LIMS1: variants seen among roughly 807,000 people sequenced by gnomAD.
The protein encoded by LIMS1 is LIM and senescent cell antigen-like-containing domain protein 1.
LIMS1 carries 18 observed loss-of-function variants against 44.1 expected under a neutral mutation model. That is an observed-to-expected ratio of 0.41 (90% confidence interval 0.28 to 0.61). The LOEUF (loss-of-function observed/expected upper bound fraction) is 0.61, where lower values mean the gene tolerates loss of function less well. LIMS1 is among the 20% of genes least tolerant of loss of function. The pLI is 0.32. For synonymous variants in LIMS1, 93 were observed against 149.1 expected (o/e 0.62, Z 2.74); for missense variants, 201 against 422.0 (o/e 0.48, Z 4.59).
chr2:108,559,857 A>G (rs1346272253), intron 1 of LIMS1, among the ~76,000 whole-genome samples: 1 of 152,222 alleles, frequency 6.6e-6, no homozygotes, highest in East Asian at 1.9e-4. Flanking sequence ...AAAAACTGTT[A>G]TCTGAAAGTC....
At chr2:108,588,226 G>T in intron 1 of LIMS1, 1 of 463,556 alleles carries the variant, frequency 2.2e-6, no homozygotes, top group Non-Finnish European at 2.8e-6. Context: ...GAACAGTGGG[G>T]TTATCGTGTA....
chr2:108,642,411 G>C (rs1689756220), intron 1 of LIMS1, among the ~76,000 whole-genome samples: 1 of 131,164 alleles, frequency 7.6e-6, no homozygotes, highest in Non-Finnish European at 1.6e-5. Context: ...CCAGGCTGGA[G>C]TGCAGTGGCG....
chr2:108,554,157 G>A (rs1416651775), intron 1 of LIMS1, among the ~76,000 whole-genome samples: 2 of 152,120 alleles, frequency 1.3e-5, no homozygotes, highest in African/African-American at 2.4e-5. Flanking sequence ...TTATTCTGAA[G>A]CCAAGGAAAT....
intron 1 of LIMS1, among the ~76,000 whole-genome samples, chr2:108,626,014 T>A: frequency 6.6e-6 from 1 of 152,154 alleles, no homozygotes; most frequent in Non-Finnish European, 1.5e-5. Context: ...TGTCTCATGA[T>A]CCCGTAAGAG....
chr2:108,557,798 A>T (rs1684976129), intron 1 of LIMS1, among the ~76,000 whole-genome samples: 1 of 152,194 alleles, frequency 6.6e-6, no homozygotes, highest in Admixed American at 6.5e-5. Flanking sequence ...TTACAGGCAT[A>T]GGCCACCATG....
chr2:108,668,958 G>A (rs1395784109), intron 2 of LIMS1, among the ~76,000 whole-genome samples: 1 of 152,104 alleles, frequency 6.6e-6, no homozygotes, highest in African/African-American at 2.4e-5. Flanking sequence ...ATTAATCTGG[G>A]CAAGGTAGTG....
At chr2:108,684,524 CA>C in exon 10 of LIMS1, 1 of 151,968 alleles carries the variant, frequency 6.6e-6, no homozygotes, top group South Asian at 2.1e-4. Flanking sequence ...ATTACTAAGA[CA>C]AAAAACAAGT....
At chr2:108,625,227 A>G (rs1298274023) in intron 1 of LIMS1, among the ~76,000 whole-genome samples, 1 of 152,226 alleles carries the variant, frequency 6.6e-6, no homozygotes, top group Non-Finnish European at 1.5e-5. Flanking sequence ...TATTTTTCAC[A>G]TGTGAAATAT....
chr2:108,562,708 A>T (rs1294454583), intron 1 of LIMS1, among the ~76,000 whole-genome samples: 1 of 152,244 alleles, frequency 6.6e-6, no homozygotes, highest in Non-Finnish European at 1.5e-5. Context: ...GCAGGTGCTG[A>T]TGTAGAAGGT....
intron 1 of LIMS1, among the ~76,000 whole-genome samples, chr2:108,644,077 G>A (rs972436503): frequency 2.6e-5 from 4 of 152,162 alleles, no homozygotes; most frequent in Non-Finnish European, 5.9e-5. Context: ...GGAAGGGGTG[G>A]TTGTGGGCAC....
intron 1 of LIMS1, among the ~76,000 whole-genome samples, chr2:108,611,444 T>G (rs987679352): frequency 1.3e-5 from 2 of 151,870 alleles, no homozygotes; most frequent in Admixed American, 6.6e-5. Context: ...CCTATCAATG[T>G]TTTTTTTCAC....
intron 1 of LIMS1, among the ~76,000 whole-genome samples, chr2:108,614,957 A>G (rs978082255): frequency 6.6e-6 from 1 of 152,150 alleles, no homozygotes; most frequent in African/African-American, 2.4e-5. Context: ...CGGAACTGTT[A>G]GCTTGCAAGT....
At chr2:108,621,581 C>G (rs947929905) in intron 1 of LIMS1, 2 of 726,304 alleles carry the variant, frequency 2.8e-6, no homozygotes, top group Non-Finnish European at 4.8e-6. Flanking sequence ...GCCTCTTAGT[C>G]TGTAATTAAA....
chr2:108,660,637 C>T (rs572500529), intron 2 of LIMS1: 756 of 270,850 alleles, frequency 2.8e-3, no homozygotes, highest in Non-Finnish European at 4.4e-3. Flanking sequence ...CCCTATGTTG[C>T]CCAGGCTGGT....
intron 1 of LIMS1, among the ~76,000 whole-genome samples, chr2:108,585,402 G>A (rs1686060433): frequency 6.6e-6 from 1 of 151,750 alleles, no homozygotes; most frequent in Non-Finnish European, 1.5e-5. Flanking sequence ...GGCACATTAA[G>A]ATGAAGAATT....
intron 1 of LIMS1, among the ~76,000 whole-genome samples, chr2:108,556,761 C>G (rs1404474025): frequency 6.6e-6 from 1 of 152,110 alleles, no homozygotes; most frequent in African/African-American, 2.4e-5. Flanking sequence ...CGTCTGCTGC[C>G]CAGAAGGAAT....
intron 1 of LIMS1, among the ~76,000 whole-genome samples, chr2:108,648,524 A>C (rs1690233256): frequency 6.6e-6 from 1 of 152,188 alleles, no homozygotes; most frequent in Non-Finnish European, 1.5e-5. Flanking sequence ...AAAAAGAACA[A>C]AGCTGGAGGC....
chr2:108,676,118 G>T, intron 6 of LIMS1, 90 bp downstream of exon 6: 1 of 1,430,772 alleles, frequency 7.0e-7, no homozygotes, highest in Non-Finnish European at 9.3e-7. Flanking sequence ...ATGATTCAGG[G>T]GTAACCAGTA....
At chr2:108,573,050 T>A (rs1685540079) in intron 1 of LIMS1, among the ~76,000 whole-genome samples, 1 of 152,220 alleles carries the variant, frequency 6.6e-6, no homozygotes, top group African/African-American at 2.4e-5. Context: ...AGTCTATTGT[T>A]AAGTGACACT....
Sources: gnomAD v4.1 joint callset for allele counts (sites outside exome capture counted in the v4.1 genomes callset) on GRCh38, gnomAD v4.1.1 for gene constraint, MANE v1.5 for transcripts, NCBI Gene and HGNC (gene_info 2026-07-23, HGNC 2026-07-21) for gene names.